RAB11FIP3: variants seen among roughly 807,000 people sequenced by gnomAD.
RAB11FIP3 encodes the protein rab11 family-interacting protein 3.
A neutral mutation model predicts 77.8 loss-of-function variants in RAB11FIP3; 17 were observed. That is an observed-to-expected ratio of 0.22 (90% CI 0.15 to 0.33). The LOEUF is 0.33. Ranked by LOEUF, RAB11FIP3 falls within the 10% of genes least tolerant of loss-of-function variation. RAB11FIP3 has a pLI of 1.00. For missense variants in RAB11FIP3, 1,005 were observed against 1,011.2 expected (o/e 0.99, Z 0.08); for synonymous variants, 437 against 448.2 (o/e 0.98, Z 0.31).
Position 520,558 on chromosome 16 carries a change from G to A in RAB11FIP3, c.2116G>A (p.Glu706Lys), listed in dbSNP as rs775060385. 9.3e-6 allele frequency: 15 copies of A among 1,613,626 alleles called. 1 individual carries two copies. The South Asian group carries it at 9.9e-5, about 11-fold the overall frequency. The change falls in exon 13 of 14, where the codon GAG (glutamate) becomes AAG (lysine). Residue 706 changes from glutamate to lysine, a missense_variant. Glu to Lys is a moderately conservative substitution (Grantham distance 56, BLOSUM62 1). Around this residue, in one of 4 missense-constraint regions of RAB11FIP3, gnomAD observed 90 missense variants for 129.7 expected, o/e 0.69. Coordinates refer to ENST00000262305, the MANE Select transcript of RAB11FIP3 (RefSeq NM_014700.4). ...GAGCCTCTTCTCCACAGCCTTCTCT[G>A]AGTCCCTGGCTGCAGAGATCAGCTC... ...AKSLFSTAFS[E>K]SLAAEISSVS... is the part of the protein sequence containing the mutation.
At chr16:483,037 A>G (rs2056078635) in intron 4 of RAB11FIP3, among the ~76,000 whole-genome samples, 2 of 152,170 alleles carry the variant, frequency 1.3e-5, no homozygotes, top group African/African-American at 4.8e-5. Context: ...ATGTCTCGGC[A>G]GGGTTTTGGA....
intron 6 of RAB11FIP3, among the ~76,000 whole-genome samples, chr16:499,856 CAG>C (rs917513882): frequency 7.0e-5 from 10 of 142,058 alleles, no homozygotes; most frequent in African/African-American, 2.6e-4. Context: ...GTTTACAAAA[CAG>C]AGACCTCTTC....
chr16:483,428 G>A lies in RAB11FIP3; in HGVS notation c.1115+692G>A, dbSNP rs145083323. ...TTGGGCCCCTCCCTTTGGAACTGAG[G>A]CCCAGCTGACCAGCATTCACATTAA... On this transcript the variant is annotated intron_variant, in intron 4 of 13. Coordinates refer to ENST00000262305, the MANE Select transcript of RAB11FIP3 (RefSeq NM_014700.4). Among the ~76,000 whole-genome samples, 11 of 152,286 alleles carry A rather than the reference G, an allele frequency of 7.2e-5. No individual in the cohort carries two copies. In the East Asian group the frequency reaches 2.1e-3, roughly 29 times the overall value.
chr16:461,296 C>T lies in RAB11FIP3; in HGVS notation c.715-108C>T, dbSNP rs1317538682. 4.0e-6 allele frequency: 3 copies of T among 757,758 alleles called. No individual in the cohort carries two copies. Among genetic ancestry groups the T allele is most frequent in the Admixed American group, 5.3e-5 (2 of 38,064 alleles). The allele number at this position is 757,758 out of a possible 1,614,324, so 46.9% of individuals were successfully genotyped here. A position where few individuals can be genotyped will look rare whatever the true frequency, so the allele number is the denominator to read the frequency against. On this transcript the variant is annotated intron_variant, in intron 1 of 13. Transcript: ENST00000262305. The surrounding 1 kb of genome is among the most constrained non-coding windows in gnomAD (Gnocchi z 4.5). ...TGCTCCCTCACCTCCTGCTGTGCTT[C>T]CCCGTTCCCAGCAGGCCACACACCA...
chr16:444,402 G>C (rs530839645), intron 1 of RAB11FIP3, among the ~76,000 whole-genome samples: 58 of 152,244 alleles, frequency 3.8e-4, no homozygotes, highest in African/African-American at 1.4e-3. Context: ...TGACTTAAAA[G>C]TTTTCTCTAC....
intron 1 of RAB11FIP3, among the ~76,000 whole-genome samples, chr16:446,020 T>C (rs1324940434): frequency 6.6e-6 from 1 of 151,958 alleles, no homozygotes; most frequent in Non-Finnish European, 1.5e-5. Context: ...CATCATAGAA[T>C]TTGGGGACGT....
intron 5 of RAB11FIP3, among the ~76,000 whole-genome samples, chr16:494,131 C>T (rs1265713368): frequency 6.1e-5 from 8 of 130,224 alleles, no homozygotes; most frequent in African/African-American, 2.5e-4. Context: ...CCTCGTGATC[C>T]GCCCGCCTCG....
Position 492,460 on chromosome 16 carries a change from G to GGGAGACCCGAGGCCGCCCAGGGCCCTCCC in RAB11FIP3, c.1265+3462_1265+3463insAGACCCGAGGCCGCCCAGGGCCCTCCCGG, listed in dbSNP as rs1567392373. ...CCCGAGGCCGCCCAGGGCCCTTCCC[G>GGGAGACCCGAGGCCGCCCAGGGCCCTCCC]GGGAGACCCGAGGCCGCCCAGGGCC... On this transcript the variant is annotated intron_variant, in intron 5 of 13. Coordinates refer to ENST00000262305, the MANE Select transcript of RAB11FIP3 (RefSeq NM_014700.4). Among the ~76,000 whole-genome samples the GGGAGACCCGAGGCCGCCCAGGGCCCTCCC allele has an allele frequency of 1.0e-3, 29 of 28,296 alleles. 3 individuals carry two copies. Among genetic ancestry groups the GGGAGACCCGAGGCCGCCCAGGGCCCTCCC allele is most frequent in the Admixed American group, 3.1e-3 (10 of 3,232 alleles). The allele number at this position is 28,296 out of a possible 152,430, so 18.6% of individuals were successfully genotyped here. A position where few individuals can be genotyped will look rare whatever the true frequency, so the allele number is the denominator to read the frequency against.
rs907489594 is a variant in RAB11FIP3, at chr16:471,349, T to C, written c.863T>C (p.Leu288Pro). The C allele has an allele frequency of 6.2e-7, 1 of 1,613,982 alleles. No homozygotes were observed. Among genetic ancestry groups the C allele is most frequent in the Admixed American group, 1.7e-5 (1 of 60,010 alleles). Residue 288 changes from leucine to proline, a missense_variant, in exon 3 of 14, where the codon CTG becomes CCG. This residue lies in a region of RAB11FIP3 where 466 missense variants were observed against 408.3 expected (regional missense o/e 1.14). Transcript: ENST00000262305. The surrounding 1 kb of genome is among the most constrained non-coding windows in gnomAD (Gnocchi z 4.4). The part of the protein sequence containing the change: ...GVASAQDEEP[L>P]ACPDEFDDFV... The stretch of plus-strand genomic sequence containing the variant: ...GCTTCTGCCCAAGATGAGGAGCCCC[T>C]GGCCTGCCCGGACGAGTTCGATGAC...
intron 1 of RAB11FIP3, among the ~76,000 whole-genome samples, chr16:427,039 C>T (rs1304815616): frequency 6.6e-6 from 1 of 152,032 alleles, no homozygotes; most frequent in African/African-American, 2.4e-5. Context: ...TGATCGCCAC[C>T]CCCCCAGGGT....
intron 8 of RAB11FIP3, among the ~76,000 whole-genome samples, chr16:509,691 G>A (rs1247481168): frequency 1.3e-5 from 2 of 152,180 alleles, no homozygotes; most frequent in African/African-American, 4.8e-5. Context: ...GAGGTGACCT[G>A]GATGGGACTG....
chr16:492,488 C>T (rs2030605386), intron 5 of RAB11FIP3, among the ~76,000 whole-genome samples: 15 of 15,160 alleles, frequency 9.9e-4, no homozygotes, highest in Admixed American at 3.6e-3. Context: ...CCAGGGCCCT[C>T]CCGGGAGACC....
Position 502,886 on chromosome 16 carries a change from ACCTGTCC to A in RAB11FIP3, c.1302-113_1302-107del. 3 of 807,434 alleles carry A rather than the reference ACCTGTCC, an allele frequency of 3.7e-6. No homozygotes were observed. In the South Asian group the frequency reaches 4.2e-5, roughly 11 times the overall value. The allele number at this position is 807,434 out of a possible 1,614,324, so 50.0% of individuals were successfully genotyped here. A position where few individuals can be genotyped will look rare whatever the true frequency, so the allele number is the denominator to read the frequency against. The stretch of plus-strand genomic sequence containing the variant: ...AGACCACCACCCAGATCAGGGGAGG[ACCTGTCC>A]CCTGCAATGCTGCTGCCTGCTTTTC... On this transcript the variant is annotated intron_variant, in intron 6 of 13. Coordinates refer to ENST00000262305, the MANE Select transcript of RAB11FIP3 (RefSeq NM_014700.4).
intron 6 of RAB11FIP3, chr16:502,759 G>A (rs751536122): frequency 9.1e-6 from 5 of 548,804 alleles, no homozygotes; most frequent in Non-Finnish European, 1.6e-5. Context: ...AAGAGCGCCA[G>A]GAAGACTCTG....
intron 3 of RAB11FIP3, among the ~76,000 whole-genome samples, chr16:475,914 T>C (rs970039497): frequency 2.6e-5 from 4 of 152,032 alleles, no homozygotes; most frequent in Non-Finnish European, 5.9e-5. Flanking sequence ...TGGAGTGCAG[T>C]GGTGCGATCT....
At chr16:476,828 G>T (rs193172623) in intron 3 of RAB11FIP3, among the ~76,000 whole-genome samples, 13 of 150,230 alleles carry the variant, frequency 8.7e-5, no homozygotes, top group South Asian at 2.1e-4. Context: ...TGGTGGCTCA[G>T]GCCTGTAATC....
At chr16:512,475 C>T (rs938204428) in intron 9 of RAB11FIP3, among the ~76,000 whole-genome samples, 11 of 151,150 alleles carry the variant, frequency 7.3e-5, no homozygotes, top group South Asian at 2.1e-4. Context: ...CTCCTGACCT[C>T]GTGATCCACC....
rs1223978034 is a variant in RAB11FIP3 at position 472,720 on chromosome 16, A to G, written c.903+1331A>G. On this transcript the variant is annotated intron_variant, in intron 3 of 13. Transcript: ENST00000262305. This position sits in a 1 kb window ranked among gnomAD's most constrained non-coding sequence, Gnocchi z 4.1. Reference sequence around the variant, plus strand: ...TTTGTTAGGGCATTGTTGATTGTTTATATCCTATGTATGGTGCAGTGGCTG... The same window carrying G: ...TTTGTTAGGGCATTGTTGATTGTTTGTATCCTATGTATGGTGCAGTGGCTG... 6.6e-6 allele frequency among the ~76,000 whole-genome samples: 1 copy of G among 152,114 alleles called. No individual in the cohort carries two copies. Among genetic ancestry groups the G allele is most frequent in the Admixed American group, 6.6e-5 (1 of 15,262 alleles).
intron 1 of RAB11FIP3, among the ~76,000 whole-genome samples, chr16:431,677 G>A (rs1044217972): frequency 6.6e-6 from 1 of 151,964 alleles, no homozygotes; most frequent in Non-Finnish European, 1.5e-5. Context: ...ACCTGGCCCA[G>A]ACCTTTTTTA....
Sources: gnomAD v4.1 joint callset for allele counts (sites outside exome capture counted in the v4.1 genomes callset) on GRCh38, gnomAD v4.1.1 for gene constraint, gnomAD v4.1.1 regional missense constraint, Gnocchi (gnomAD v3.1) non-coding constraint, MANE v1.5 for transcripts, NCBI Gene and HGNC (gene_info 2026-07-23, HGNC 2026-07-21) for gene names.